The following PARVB variants were observed in gnomAD, a reference collection of about 807,000 sequenced individuals.
PARVB encodes the protein beta-parvin.
A neutral mutation model predicts 47.0 loss-of-function variants in PARVB; 46 were observed. The ratio of observed to expected loss-of-function variants is 0.98; its 90% CI spans 0.77 to 1.25. The LOEUF (loss-of-function observed/expected upper bound fraction) is 1.25. Ranked by LOEUF, PARVB falls within the 50% of genes most tolerant of loss-of-function variation. PARVB has a pLI of 0.00. For missense variants in PARVB, 473 were observed against 471.6 expected, an observed-to-expected ratio of 1.00 and a Z score of -0.03; for synonymous variants, 196 against 196.3, an observed-to-expected ratio of 1.00 and a Z score of 0.01.
chr22:44,062,771 C>G (rs1236409529), intron 1 of PARVB, among the ~76,000 whole-genome samples: 2 of 152,242 alleles, frequency 1.3e-5, no homozygotes, highest in East Asian at 3.8e-4. Flanking sequence ...GCCCCCAGCA[C>G]AGGAGCTTCT....
At position 44,011,777 on chromosome 22, in the gene PARVB, G is replaced by A. The variant is rs532322949; in HGVS notation, c.211+12104G>A. 3.6e-4 allele frequency among the ~76,000 whole-genome samples: 55 copies of A among 152,166 alleles called. No homozygotes were observed. In the South Asian group the frequency reaches 5.4e-3, roughly 15 times the overall value. Reference sequence around the variant, plus strand: ...TATGGCCGCCACATCCTTAGCTCCAGCATCGTAGAGCAAGTTCCCTCCCAC... The same window carrying A: ...TATGGCCGCCACATCCTTAGCTCCAACATCGTAGAGCAAGTTCCCTCCCAC... On this transcript the variant is annotated intron_variant, in intron 2 of 13. Transcript: ENST00000406477.
chr22:44,052,858 C>T (rs553798086), intron 1 of PARVB, among the ~76,000 whole-genome samples: 1 of 152,166 alleles, frequency 6.6e-6, no homozygotes, highest in East Asian at 1.9e-4. Flanking sequence ...TGGGAAGATC[C>T]CTTGAGCTCA....
rs2052103688 is a variant in PARVB, at chr22:44,089,215, A to G, written c.113-4713A>G. 6.6e-6 allele frequency: 1 copy of G among 152,278 alleles called. No homozygotes were observed. Among genetic ancestry groups the G allele is most frequent in the South Asian group, 2.1e-4 (1 of 4,832 alleles). 9.4% of individuals were successfully genotyped at this position (152,278 alleles called of 1,614,324 possible). A position where few individuals can be genotyped will look rare whatever the true frequency, so the allele number is the denominator to read the frequency against. On this transcript the variant is annotated intron_variant, in intron 1 of 12. Transcript: ENST00000338758. The surrounding 1 kb of genome is among the most constrained non-coding windows in gnomAD (Gnocchi z 4.0). Reference sequence around the variant, plus strand: ...GCAGGTGAACTCTGCTGCGGTGGGAACGAGTTGGCATCGACTCCCTCGTGG... The same window carrying G: ...GCAGGTGAACTCTGCTGCGGTGGGAGCGAGTTGGCATCGACTCCCTCGTGG...
chr22:44,154,516 G>T (rs2053876538), intron 10 of PARVB, among the ~76,000 whole-genome samples: 1 of 147,648 alleles, frequency 6.8e-6, no homozygotes, highest in Admixed American at 6.8e-5. Flanking sequence ...GTGTGTGTGT[G>T]GTTTATGTAG....
At chr22:44,162,713 C>G (rs1185921988) in intron 11 of PARVB, 1 of 152,316 alleles carries the variant, frequency 6.6e-6, no homozygotes, top group Non-Finnish European at 1.5e-5. Context: ...CTCCTCCCAT[C>G]AGCCTTGGCT....
upstream of PARVB, among the ~76,000 whole-genome samples, chr22:44,023,577 T>C (rs189010229): frequency 0.017 from 2,596 of 149,028 alleles, 107 homozygotes; most frequent in African/African-American, 0.058. Flanking sequence ...TAAAATAAAA[T>C]AAAATAAAAT....
chr22:44,028,760 C>T (rs879589821), intron 1 of PARVB, among the ~76,000 whole-genome samples: 9 of 152,152 alleles, frequency 5.9e-5, no homozygotes, highest in African/African-American at 1.4e-4. Context: ...CGGTGGCGAA[C>T]GAGAGTCCTG....
intron 1 of PARVB, among the ~76,000 whole-genome samples, chr22:44,078,806 C>G (rs1004725668): frequency 6.6e-6 from 1 of 152,164 alleles, no homozygotes; most frequent in African/African-American, 2.4e-5. Context: ...CTCACTGCAG[C>G]CTCTGACTCC....
chr22:44,128,037 C>T (rs1042602538), intron 4 of PARVB, among the ~76,000 whole-genome samples: 3 of 152,202 alleles, frequency 2.0e-5, no homozygotes, highest in Non-Finnish European at 4.4e-5. Context: ...CCCACCTTGG[C>T]CTCCCAAAGT....
At chr22:44,150,892 A>T (rs1043566501) in intron 9 of PARVB, 1 of 148,804 alleles carries the variant, frequency 6.7e-6, no homozygotes, top group Non-Finnish European at 1.5e-5. Context: ...GCGTGGTGGC[A>T]GGCGCCTGTA....
intron 1 of PARVB, chr22:44,086,966 C>A: frequency 5.7e-6 from 2 of 351,032 alleles, no homozygotes; most frequent in Non-Finnish European, 4.0e-6. Flanking sequence ...GGAAGAGGAG[C>A]TGGTGGCGTG....
chr22:44,082,205 G>C (rs2051918423), intron 1 of PARVB, among the ~76,000 whole-genome samples: 1 of 152,196 alleles, frequency 6.6e-6, no homozygotes, highest in Non-Finnish European at 1.5e-5. Context: ...GCTCCGGAAG[G>C]GTGGCAATTG....
intron 6 of PARVB, among the ~76,000 whole-genome samples, chr22:44,133,972 A>G (rs1023907938): frequency 2.0e-5 from 3 of 152,230 alleles, no homozygotes; most frequent in African/African-American, 7.2e-5. Flanking sequence ...GGAGGAACAC[A>G]TGCCTGGCGT....
intron 1 of PARVB, among the ~76,000 whole-genome samples, chr22:44,038,970 T>A (rs1005950727): frequency 6.6e-6 from 1 of 152,098 alleles, no homozygotes; most frequent in African/African-American, 2.4e-5. Flanking sequence ...AACAGACACG[T>A]CACCAAAGAA....
intron 12 of PARVB, among the ~76,000 whole-genome samples, chr22:44,165,372 C>G (rs984929625): frequency 6.6e-6 from 1 of 152,190 alleles, no homozygotes; most frequent in Admixed American, 6.5e-5. Flanking sequence ...TGGTGCCTGG[C>G]CTGGAAACTG....
intron 2 of PARVB, among the ~76,000 whole-genome samples, chr22:44,017,866 A>C (rs990437682): frequency 5.3e-5 from 8 of 152,028 alleles, no homozygotes; most frequent in Non-Finnish European, 1.2e-4. Flanking sequence ...TGGGGTGCCA[A>C]GGGCAGTAGG....
At chr22:44,066,814 C>CTCCTCCTCT (rs1228282815) in intron 1 of PARVB, among the ~76,000 whole-genome samples, 1 of 149,146 alleles carries the variant, frequency 6.7e-6, no homozygotes, top group Non-Finnish European at 1.5e-5. Context: ...CCTCCTCCTC[C>CTCCTCCTCT]TCCTCCTCTT....
chr22:44,110,474 G>C (rs549053050), intron 3 of PARVB: 1 of 152,152 alleles, frequency 6.6e-6, no homozygotes, highest in Non-Finnish European at 1.5e-5. Context: ...CAGTTTCGAC[G>C]ACTGGAGCTT....
At chr22:43,999,881 T>A (rs560681894) in intron 2 of PARVB, among the ~76,000 whole-genome samples, 1 of 144,332 alleles carries the variant, frequency 6.9e-6, no homozygotes, top group African/African-American at 2.6e-5. Flanking sequence ...GTGGCATGCA[T>A]CTGTGGTCTC....
Sources: gnomAD v4.1 joint callset for allele counts (sites outside exome capture counted in the v4.1 genomes callset) on GRCh38, gnomAD v4.1.1 for gene constraint, Gnocchi (gnomAD v3.1) non-coding constraint, MANE v1.5 for transcripts, NCBI Gene and HGNC (gene_info 2026-07-23, HGNC 2026-07-21) for gene names.